Variants in SUSD4 observed in about 807,000 individuals in gnomAD.
SUSD4 encodes sushi domain-containing protein 4.
In SUSD4, 41 loss-of-function variants were observed where a neutral mutation model predicts 50.5. The ratio of observed to expected loss-of-function variants is 0.81; its 90% CI spans 0.63 to 1.05. SUSD4 has a LOEUF of 1.05. Among genes scored for constraint, SUSD4 ranks in the 50% least tolerant of loss-of-function variants. The pLI is 0.00. For missense variants in SUSD4, 580 were observed against 634.7 expected (o/e 0.91, Z 0.93); for synonymous variants, 257 against 257.3 (o/e 1.00, Z 0.01).
chr1:223,301,426 A>C (rs1665186927), intron 2 of SUSD4, among the ~76,000 whole-genome samples: 1 of 152,230 alleles, frequency 6.6e-6, no homozygotes, highest in African/African-American at 2.4e-5. Context: ...AGAGAACACA[A>C]CCTAAGCCAG....
intron 2 of SUSD4, among the ~76,000 whole-genome samples, chr1:223,313,802 A>T (rs1666019142): frequency 6.6e-6 from 1 of 152,158 alleles, no homozygotes; most frequent in South Asian, 2.1e-4. Context: ...TTACACACTA[A>T]TTATAAGGCA....
At chr1:223,326,562 C>A (rs1461151820) in intron 2 of SUSD4, among the ~76,000 whole-genome samples, 1 of 152,010 alleles carries the variant, frequency 6.6e-6, no homozygotes, top group Admixed American at 6.5e-5. Context: ...AACAGACAAT[C>A]CACAGAATGA....
chr1:223,319,999 C>T (rs1239633669), intron 2 of SUSD4, among the ~76,000 whole-genome samples: 2 of 152,174 alleles, frequency 1.3e-5, no homozygotes, highest in East Asian at 1.9e-4. Flanking sequence ...TTCTCATCAG[C>T]GAAGCCAGGT....
At chr1:223,256,661 A>C (rs1370954418) in intron 5 of SUSD4, among the ~76,000 whole-genome samples, 1 of 152,190 alleles carries the variant, frequency 6.6e-6, no homozygotes, top group East Asian at 1.9e-4. Flanking sequence ...AGCCTCTCTG[A>C]GAACAGTGTG....
At chr1:223,322,659 T>C (rs1666644966) in intron 2 of SUSD4, among the ~76,000 whole-genome samples, 1 of 152,094 alleles carries the variant, frequency 6.6e-6, no homozygotes, top group Non-Finnish European at 1.5e-5. Flanking sequence ...TGCATGTGTG[T>C]CTGTTGACAT....
chr1:223,331,675 C>T (rs1240216598), intron 2 of SUSD4, among the ~76,000 whole-genome samples: 1 of 152,192 alleles, frequency 6.6e-6, no homozygotes, highest in African/African-American at 2.4e-5. Flanking sequence ...CAAACTCACA[C>T]ATTTTTCGAG....
chr1:223,337,499 C>A (rs990446644), intron 2 of SUSD4, among the ~76,000 whole-genome samples: 2 of 152,120 alleles, frequency 1.3e-5, no homozygotes, highest in Non-Finnish European at 2.9e-5. Context: ...CCTGTAAATA[C>A]GGGTGGGGAG....
At chr1:223,364,826 A>G (rs1241546261), upstream of SUSD4, among the ~76,000 whole-genome samples, 1 of 151,732 alleles carries the variant, frequency 6.6e-6, no homozygotes, top group Admixed American at 6.6e-5. The surrounding 1 kb of genome is among the most constrained non-coding windows in gnomAD (Gnocchi z 4.5). Flanking sequence ...GAGTCTCTTA[A>G]TTTCCCGCGT....
Position 223,227,541 on chromosome 1 carries a change from G to A in SUSD4, c.1061+53C>T, listed in dbSNP as rs1659598710. The A allele has an allele frequency of 6.3e-7, 1 of 1,590,968 alleles. No homozygotes were observed. Among genetic ancestry groups the A allele is most frequent in the African/African-American group, 1.3e-5 (1 of 74,538 alleles). On this transcript the variant is annotated intron_variant, in intron 7 of 8. Coordinates refer to ENST00000366878, the MANE Select transcript of SUSD4 (RefSeq NM_017982.4). This position sits in a 1 kb window ranked among gnomAD's most constrained non-coding sequence, Gnocchi z 4.5. ...TCACTTTCTCCCTCTGCTGCTAAGGGTAGCTGCATTGAGTCAGACCTTGAG... is the reference window on the plus strand; with the variant it reads ...TCACTTTCTCCCTCTGCTGCTAAGGATAGCTGCATTGAGTCAGACCTTGAG...
intron 3 of SUSD4, among the ~76,000 whole-genome samples, chr1:223,286,207 CT>C (rs1207461165): frequency 2.6e-5 from 4 of 152,340 alleles, no homozygotes; most frequent in Non-Finnish European, 4.4e-5. Flanking sequence ...GCTCCTCCCC[CT>C]GGGTTCATGC....
chr1:223,343,974 A>C (rs143854096), intron 2 of SUSD4, among the ~76,000 whole-genome samples: 1 of 152,330 alleles, frequency 6.6e-6, no homozygotes, highest in East Asian at 1.9e-4. Context: ...CCAAGTCCCA[A>C]GTTAGCCATT....
intron 2 of SUSD4, among the ~76,000 whole-genome samples, chr1:223,333,302 A>G (rs913814905): frequency 2.6e-5 from 4 of 152,138 alleles, no homozygotes; most frequent in Non-Finnish European, 2.9e-5. Flanking sequence ...CTCTCTGCCT[A>G]CGTTTCCACA....
At chr1:223,361,804 A>C (rs1668996028) in intron 2 of SUSD4, among the ~76,000 whole-genome samples, 1 of 152,240 alleles carries the variant, frequency 6.6e-6, no homozygotes, top group Non-Finnish European at 1.5e-5. Flanking sequence ...AGGCAAAAGC[A>C]GAGAGGAGGG....
At chr1:223,290,078 T>C (rs1224074240) in intron 3 of SUSD4, among the ~76,000 whole-genome samples, 1 of 152,228 alleles carries the variant, frequency 6.6e-6, no homozygotes, top group Non-Finnish European at 1.5e-5. Flanking sequence ...TTTAATGACC[T>C]ATAACAATGT....
chr1:223,355,952 G>A (rs1231841289), intron 2 of SUSD4, among the ~76,000 whole-genome samples: 1 of 152,124 alleles, frequency 6.6e-6, no homozygotes, highest in African/African-American at 2.4e-5. Flanking sequence ...CTGTCTGCCT[G>A]CAGGCCCTGA....
chr1:223,298,821 A>T (rs1216519906), intron 2 of SUSD4, among the ~76,000 whole-genome samples: 1 of 152,198 alleles, frequency 6.6e-6, no homozygotes, highest in Non-Finnish European at 1.5e-5. Flanking sequence ...TTCTGCGCTT[A>T]TTCCTTTCCC....
At chr1:223,286,471 G>A (rs1244641666) in intron 3 of SUSD4, among the ~76,000 whole-genome samples, 1 of 151,880 alleles carries the variant, frequency 6.6e-6, no homozygotes, top group Admixed American at 6.6e-5. Flanking sequence ...GGCTGGTCTA[G>A]AACTCCTGGC....
intron 2 of SUSD4, among the ~76,000 whole-genome samples, chr1:223,296,155 C>A (rs1053641770): frequency 2.0e-5 from 3 of 152,078 alleles, no homozygotes; most frequent in Non-Finnish European, 4.4e-5. Flanking sequence ...TCCTGCAGTA[C>A]TCCAGGTGAG....
intron 3 of SUSD4, among the ~76,000 whole-genome samples, chr1:223,286,138 T>TG (rs1394282589): frequency 4.3e-4 from 66 of 152,114 alleles, no homozygotes; most frequent in African/African-American, 1.4e-3. Flanking sequence ...TTTTTTGAGA[T>TG]GGAGTCTCGC....
Sources: gnomAD v4.1 joint callset for allele counts (sites outside exome capture counted in the v4.1 genomes callset) on GRCh38, gnomAD v4.1.1 for gene constraint, Gnocchi (gnomAD v3.1) non-coding constraint, MANE v1.5 for transcripts, NCBI Gene and HGNC (gene_info 2026-07-23, HGNC 2026-07-21) for gene names.